HSF5: variants seen among roughly 807,000 people sequenced by gnomAD.
The protein encoded by HSF5 is heat shock factor protein 5.
Under a neutral mutation model 50.8 loss-of-function variants are expected in HSF5, and 5 were observed. The ratio of observed to expected loss-of-function variants is 0.10; its 90% CI spans 0.05 to 0.21. The LOEUF (loss-of-function observed/expected upper bound fraction) is 0.21. Ranked by LOEUF, HSF5 falls within the 10% of genes least tolerant of loss-of-function variation. The probability of loss-of-function intolerance (pLI) is 1.00; values close to 1 mark genes in which losing one functional copy is unlikely to be tolerated. For synonymous variants in HSF5, 307 were observed against 307.4 expected (o/e 1.00, Z 0.02); for missense variants, 564 against 762.6 (o/e 0.74, Z 3.07).
intron 5 of HSF5, among the ~76,000 whole-genome samples, chr17:58,453,352 G>C (rs910213015): frequency 1.3e-5 from 2 of 152,186 alleles, no homozygotes; most frequent in East Asian, 1.9e-4. Context: ...CCAACACTTT[G>C]GGGGGCTAAG....
At chr17:58,485,232 C>A (rs369676204) in intron 1 of HSF5, among the ~76,000 whole-genome samples, 1 of 151,680 alleles carries the variant, frequency 6.6e-6, no homozygotes, top group African/African-American at 2.4e-5. Context: ...GGATTACAGG[C>A]GTGAGCCACC....
At chr17:58,474,225 G>A (rs867423238) in intron 2 of HSF5, among the ~76,000 whole-genome samples, 6 of 152,156 alleles carry the variant, frequency 3.9e-5, no homozygotes, top group Admixed American at 1.3e-4. Context: ...GAGGAATTAA[G>A]TATTTCTAGG....
At chr17:58,453,414 C>T (rs1274996500) in intron 5 of HSF5, among the ~76,000 whole-genome samples, 3 of 150,948 alleles carry the variant, frequency 2.0e-5, no homozygotes, top group Admixed American at 6.6e-5. Context: ...ACCAACACGG[C>T]GAAATCCTGT....
chr17:58,482,811 G>T (rs754577314), intron 1 of HSF5, among the ~76,000 whole-genome samples: 3 of 150,784 alleles, frequency 2.0e-5, no homozygotes, highest in African/African-American at 4.9e-5. Context: ...AGGTATGGTG[G>T]CATGCACCAA....
intron 1 of HSF5, among the ~76,000 whole-genome samples, chr17:58,481,770 C>T (rs935043629): frequency 5.3e-5 from 8 of 152,240 alleles, no homozygotes; most frequent in South Asian, 2.1e-4. Flanking sequence ...GAGGCCAAGG[C>T]AGGCAGATCA....
chr17:58,454,348 G>C (rs1279088560), intron 5 of HSF5, among the ~76,000 whole-genome samples: 1 of 151,950 alleles, frequency 6.6e-6, no homozygotes, highest in Non-Finnish European at 1.5e-5. Context: ...CACGATAAAG[G>C]CCCTGTATGA....
intron 5 of HSF5, among the ~76,000 whole-genome samples, chr17:58,428,204 C>T (rs891774087): frequency 4.6e-5 from 7 of 152,154 alleles, no homozygotes; most frequent in African/African-American, 1.7e-4. Context: ...ATAGCACACG[C>T]TATGGGTACA....
At chr17:58,450,511 T>C (rs1325174030) in intron 5 of HSF5, among the ~76,000 whole-genome samples, 3 of 152,072 alleles carry the variant, frequency 2.0e-5, no homozygotes, top group Non-Finnish European at 4.4e-5. Flanking sequence ...CCCAGCACTT[T>C]GGGAGGCTGA....
intron 2 of HSF5, among the ~76,000 whole-genome samples, chr17:58,467,868 T>C (rs548523275): frequency 2.7e-4 from 41 of 152,348 alleles, no homozygotes; most frequent in African/African-American, 9.9e-4. Flanking sequence ...TGCTTTTTTG[T>C]AGAGACTCTC....
intron 1 of HSF5, among the ~76,000 whole-genome samples, chr17:58,481,662 A>G (rs985380997): frequency 5.9e-5 from 9 of 152,250 alleles, no homozygotes; most frequent in African/African-American, 2.2e-4. Flanking sequence ...CCATTCAACA[A>G]GTTACATATC....
chr17:58,467,912 A>G (rs1471531694), intron 2 of HSF5, among the ~76,000 whole-genome samples: 1 of 152,296 alleles, frequency 6.6e-6, no homozygotes, highest in East Asian at 1.9e-4. Context: ...TAATATCACA[A>G]CTGTGGTTTA....
At chr17:58,480,859 C>T (rs1336172679) in intron 1 of HSF5, among the ~76,000 whole-genome samples, 1 of 152,040 alleles carries the variant, frequency 6.6e-6, no homozygotes, top group Non-Finnish European at 1.5e-5. Flanking sequence ...GTGATCTTGG[C>T]TCACTCTAGC....
intron 2 of HSF5, among the ~76,000 whole-genome samples, chr17:58,478,999 A>C (rs952534392): frequency 2.6e-5 from 4 of 151,922 alleles, no homozygotes; most frequent in Non-Finnish European, 5.9e-5. Context: ...GCGTGTTCTC[A>C]ATGCCCTTGC....
intron 5 of HSF5, among the ~76,000 whole-genome samples, chr17:58,450,943 G>T (rs1021708674): frequency 1.3e-5 from 2 of 151,684 alleles, no homozygotes; most frequent in African/African-American, 4.8e-5. Flanking sequence ...ACAAAAATTA[G>T]CCGGGCATGG....
At chr17:58,433,159 A>G (rs1055194822) in intron 5 of HSF5, among the ~76,000 whole-genome samples, 1 of 152,156 alleles carries the variant, frequency 6.6e-6, no homozygotes, top group Non-Finnish European at 1.5e-5. Context: ...GACCACAAGC[A>G]CCTGCCACCA....
In HSF5 at chr17:58,488,248, G is replaced by T; in HGVS notation, c.27C>A (p.Ile9=). 6.6e-7 allele frequency: 1 copy of T among 1,507,704 alleles called. No individual in the cohort carries two copies. The highest frequency in any genetic ancestry group is 8.8e-7 in the Non-Finnish European group (1 of 1,141,708). 93.4% of individuals were successfully genotyped at this position (1,507,704 alleles called of 1,614,324 possible). The change falls in exon 1 of 6, where the codon ATC becomes ATA. Residue 9 remains isoleucine, a synonymous_variant. Coordinates refer to ENST00000323777, the MANE Select transcript of HSF5 (RefSeq NM_001080439.3). The surrounding 1 kb of genome is among the most constrained non-coding windows in gnomAD (Gnocchi z 4.1). MEALLSTP[I]NPNNFPAKLW... is the part of the protein sequence containing the mutation. ...GCTTGGCGGGGAAGTTGTTGGGGTT[G>T]ATGGGGGTGGAGAGCAGCGCCTCCA...
intron 2 of HSF5, among the ~76,000 whole-genome samples, chr17:58,470,704 G>A (rs1271751347): frequency 6.6e-6 from 1 of 152,198 alleles, no homozygotes; most frequent in Non-Finnish European, 1.5e-5. Flanking sequence ...AAGGCAGGCG[G>A]ATCACGAGGT....
At chr17:58,424,841 T>C (rs184729627) in intron 5 of HSF5, among the ~76,000 whole-genome samples, 27 of 152,094 alleles carry the variant, frequency 1.8e-4, no homozygotes, top group Non-Finnish European at 3.2e-4. Context: ...GCTACAACAA[T>C]AGGCATTAGG....
rs1383850632 is a variant in HSF5 at position 58,466,949 on chromosome 17, A to T, written c.956T>A (p.Met319Lys). 6.2e-7 allele frequency: 1 copy of T among 1,611,572 alleles called. No homozygotes were observed. The change falls in exon 3 of 6, where the codon ATG becomes AAG. Residue 319 changes from methionine to lysine, a missense_variant. By Grantham distance (95) the Met-to-Lys change is moderately conservative. Coordinates refer to ENST00000323777, the MANE Select transcript of HSF5 (RefSeq NM_001080439.3). Reference sequence around the variant, plus strand: ...AGTGACACAACTACTTAGAGCATCCATGTGGGTAGGAGAACAGCACTGTAG... The same window carrying T: ...AGTGACACAACTACTTAGAGCATCCTTGTGGGTAGGAGAACAGCACTGTAG... ...AVLQCCSPTH[M>K]DALSSCVTPT...
Sources: allele counts gnomAD v4.1 joint callset (sites outside exome capture counted in the v4.1 genomes callset), GRCh38; gene constraint gnomAD v4.1.1; non-coding constraint Gnocchi (gnomAD v3.1); transcripts MANE v1.5; gene names NCBI Gene and HGNC (gene_info 2026-07-23, HGNC 2026-07-21).